DLGAP1: variants seen among roughly 807,000 people sequenced by gnomAD.
DLGAP1 encodes the protein DLG associated protein 1.
Under a neutral mutation model 90.8 loss-of-function variants are expected in DLGAP1, and 11 were observed. That is an observed-to-expected ratio of 0.12 (90% CI 0.08 to 0.20). The LOEUF (loss-of-function observed/expected upper bound fraction) is 0.20, where lower values mean the gene tolerates loss of function less well. Among genes scored for constraint, DLGAP1 ranks in the 10% least tolerant of loss-of-function variants. The pLI is 1.00. For synonymous variants in DLGAP1, 558 were observed against 540.7 expected (o/e 1.03, Z -0.44); for missense variants, 1,050 against 1,333.8 (o/e 0.79, Z 3.31).
At chr18:3,641,358 G>A (rs574919081) in intron 7 of DLGAP1, among the ~76,000 whole-genome samples, 1 of 151,778 alleles carries the variant, frequency 6.6e-6, no homozygotes, top group African/African-American at 2.4e-5. Flanking sequence ...CCAACATGAG[G>A]AAATCCCGTC....
intron 2 of DLGAP1, among the ~76,000 whole-genome samples, chr18:4,075,082 T>C (rs1285485258): frequency 6.6e-6 from 1 of 152,216 alleles, no homozygotes; most frequent in Non-Finnish European, 1.5e-5. Flanking sequence ...TTTTCTACTT[T>C]AGAACCACTG....
At chr18:4,137,863 G>A (rs928653254) in intron 2 of DLGAP1, among the ~76,000 whole-genome samples, 6 of 151,772 alleles carry the variant, frequency 4.0e-5, no homozygotes, top group Admixed American at 3.9e-4. Flanking sequence ...TTTCCTAGGT[G>A]TTTACTGTCA....
chr18:3,826,194 G>A (rs2067703144), intron 4 of DLGAP1, among the ~76,000 whole-genome samples: 1 of 152,130 alleles, frequency 6.6e-6, no homozygotes, highest in Non-Finnish European at 1.5e-5. Flanking sequence ...TTTGGATGAT[G>A]AGTTCAATAG....
chr18:4,360,263 G>A (rs2081604306), intron 1 of DLGAP1, among the ~76,000 whole-genome samples: 1 of 152,070 alleles, frequency 6.6e-6, no homozygotes, highest in African/African-American at 2.4e-5. Context: ...TGTGTACTTG[G>A]GAGCAAATTA....
chr18:3,757,839 G>A (rs991206537), intron 5 of DLGAP1, among the ~76,000 whole-genome samples: 2 of 152,190 alleles, frequency 1.3e-5, no homozygotes, highest in Non-Finnish European at 2.9e-5. Context: ...AGAGAGGGTG[G>A]ACGCGGTGGC....
chr18:4,376,644 C>T (rs1056099447), intron 1 of DLGAP1, among the ~76,000 whole-genome samples: 6 of 152,094 alleles, frequency 3.9e-5, no homozygotes, highest in Non-Finnish European at 2.9e-5. Flanking sequence ...GAATAACTGG[C>T]CTTCAGTCTT....
intron 1 of DLGAP1, among the ~76,000 whole-genome samples, chr18:4,390,016 C>T (rs1192488071): frequency 6.6e-6 from 1 of 152,222 alleles, no homozygotes. Flanking sequence ...GTTAGTCCCT[C>T]CAGTGGCTAC....
chr18:4,342,597 C>T lies in DLGAP1; in HGVS notation c.-267+112409G>A, dbSNP rs2081215474. 1.3e-5 allele frequency among the ~76,000 whole-genome samples: 2 copies of T among 151,862 alleles called. No homozygotes were observed. Among genetic ancestry groups the T allele is most frequent in the African/African-American group, 4.8e-5 (2 of 41,322 alleles). On this transcript the variant is annotated intron_variant, in intron 1 of 12. Transcript: ENST00000315677. This position sits in a 1 kb window ranked among gnomAD's most constrained non-coding sequence, Gnocchi z 5.8. ...TACATCATTCTTTCCAAGAATCTGG[C>T]TTAGGCTGAGATTACACAAAGAGGG... is the stretch of plus-strand genomic sequence containing the variant.
intron 3 of DLGAP1, among the ~76,000 whole-genome samples, chr18:3,964,795 G>A (rs998552095): frequency 3.3e-5 from 5 of 152,144 alleles, no homozygotes; most frequent in Non-Finnish European, 5.9e-5. Flanking sequence ...TTTTTAAGAG[G>A]TGGCACAAAA....
At chr18:3,558,765 A>T (rs2053905334) in intron 9 of DLGAP1, among the ~76,000 whole-genome samples, 1 of 152,110 alleles carries the variant, frequency 6.6e-6, no homozygotes, top group Non-Finnish European at 1.5e-5. Flanking sequence ...CTTTATATTT[A>T]AAGTGGGTTT....
At chr18:4,065,655 C>G (rs1267202019) in intron 2 of DLGAP1, among the ~76,000 whole-genome samples, 1 of 151,990 alleles carries the variant, frequency 6.6e-6, no homozygotes, top group Non-Finnish European at 1.5e-5. Flanking sequence ...CAAAGCACTG[C>G]TCAAATAAAT....
chr18:4,403,690 T>G (rs1374237379), intron 1 of DLGAP1, among the ~76,000 whole-genome samples: 2 of 152,300 alleles, frequency 1.3e-5, no homozygotes, highest in African/African-American at 2.4e-5. Context: ...GCATGCAAAT[T>G]TTTAAATAAT....
chr18:3,544,550 T>C (rs11081051), intron 9 of DLGAP1, among the ~76,000 whole-genome samples: 66,035 of 151,816 alleles, frequency 0.43, 17,314 homozygotes, highest in African/African-American at 0.74. Context: ...AATTTGGGGA[T>C]TTTCCAAATA....
At chr18:4,411,546 C>G (rs533690629) in intron 1 of DLGAP1, among the ~76,000 whole-genome samples, 1 of 152,172 alleles carries the variant, frequency 6.6e-6, no homozygotes, top group East Asian at 1.9e-4. Flanking sequence ...TGCTGCATAA[C>G]AAATCACCCC....
At chr18:4,293,198 G>A (rs780815889) in intron 1 of DLGAP1, 1 of 152,140 alleles carries the variant, frequency 6.6e-6, no homozygotes, top group Non-Finnish European at 1.5e-5. Context: ...GGTGGGATCC[G>A]GTTCCAATAA....
chr18:4,249,329 G>A (rs1476811151), intron 1 of DLGAP1, among the ~76,000 whole-genome samples: 1 of 151,360 alleles, frequency 6.6e-6, no homozygotes, highest in Non-Finnish European at 1.5e-5. Context: ...AGGATGTATG[G>A]AATTTTGTTT....
At chr18:3,786,794 T>A (rs1419331933) in intron 5 of DLGAP1, among the ~76,000 whole-genome samples, 1 of 152,200 alleles carries the variant, frequency 6.6e-6, no homozygotes, top group Non-Finnish European at 1.5e-5. Context: ...AAACAAGACA[T>A]TTCAGCTCAA....
In DLGAP1 at chr18:4,261,680, G is replaced by A. The variant is rs368445577; in HGVS notation, c.-266-110393C>T. ...GAATTAAAATGATCTGTGTATGACT[G>A]TCTTCCGTAGCTGGTGAACTGCTAA... is the stretch of plus-strand genomic sequence containing the variant. On this transcript the variant is annotated intron_variant, in intron 1 of 12. Transcript: ENST00000315677. Among the ~76,000 whole-genome samples the A allele has an allele frequency of 5.9e-5, 9 of 152,238 alleles. No homozygotes were observed. The East Asian group carries it at 1.2e-3, about 20-fold the overall frequency.
At chr18:3,672,577 C>CAAAAAAAA (rs60316690) in intron 7 of DLGAP1, among the ~76,000 whole-genome samples, 1 of 39,586 alleles carries the variant, frequency 2.5e-5, no homozygotes, top group Non-Finnish European at 4.5e-5. Context: ...AACTCTATCT[C>CAAAAAAAA]AAAAAAAAAA....
Sources: gnomAD v4.1 joint callset for allele counts (sites outside exome capture counted in the v4.1 genomes callset) on GRCh38, gnomAD v4.1.1 for gene constraint, Gnocchi (gnomAD v3.1) non-coding constraint, MANE v1.5 for transcripts, NCBI Gene and HGNC (gene_info 2026-07-23, HGNC 2026-07-21) for gene names.